Variants in RORA observed in about 807,000 individuals in gnomAD.
RORA encodes the protein nuclear receptor ROR-alpha.
A neutral mutation model predicts 69.5 loss-of-function variants in RORA; 7 were observed. The observed-to-expected ratio is 0.10, with a 90% CI of 0.06 to 0.19. The LOEUF is 0.19. Ranked by LOEUF, RORA falls within the 10% of genes least tolerant of loss-of-function variation. The pLI is 1.00. For missense variants in RORA, 457 were observed against 663.0 expected (o/e 0.69, Z 3.41); for synonymous variants, 261 against 240.8 (o/e 1.08, Z -0.78).
At position 60,815,556 on chromosome 15, in the gene RORA, G is replaced by C. The variant is rs545250896; in HGVS notation, c.167-136870C>G. Among the ~76,000 whole-genome samples the C allele has an allele frequency of 7.0e-4, 107 of 152,142 alleles. 1 individual carries two copies. The East Asian group carries it at 0.014, about 21-fold the overall frequency. On this transcript the variant is annotated intron_variant, in intron 1 of 10. Transcript: ENST00000335670. Reference sequence around the variant, plus strand: ...TCTAAGGGCCCAACTTACAAACGTGGAAAGATAGGCACAGAGAAAAGATAA... The same window carrying C: ...TCTAAGGGCCCAACTTACAAACGTGCAAAGATAGGCACAGAGAAAAGATAA...
chr15:60,610,192 T>C (rs1396437278), intron 2 of RORA, among the ~76,000 whole-genome samples: 1 of 105,202 alleles, frequency 9.5e-6, no homozygotes, highest in African/African-American at 4.2e-5. Context: ...TAAAGTGTCG[T>C]GTAAGTCACA....
chr15:61,057,288 T>C (rs540098596), intron 1 of RORA, among the ~76,000 whole-genome samples: 1 of 152,366 alleles, frequency 6.6e-6, no homozygotes, highest in South Asian at 2.1e-4. Flanking sequence ...AATATTCTAG[T>C]ATAAAAGAGA....
intron 2 of RORA, among the ~76,000 whole-genome samples, chr15:60,583,498 G>C (rs568887754): frequency 6.6e-5 from 10 of 152,318 alleles, no homozygotes; most frequent in African/African-American, 2.2e-4. Flanking sequence ...CACAGTGAAG[G>C]CTAAAATACA....
intron 2 of RORA, among the ~76,000 whole-genome samples, chr15:60,645,308 A>G (rs916713338): frequency 5.3e-5 from 8 of 151,946 alleles, no homozygotes. Context: ...AGAGTGGCAA[A>G]AAGGACAAAG....
intron 1 of RORA, among the ~76,000 whole-genome samples, chr15:60,992,368 G>A (rs1947207770): frequency 6.6e-6 from 1 of 151,238 alleles, no homozygotes; most frequent in South Asian, 2.1e-4. Flanking sequence ...GGAAATCTAG[G>A]TACTTGTATT....
rs539600624 is a variant in RORA at position 60,831,742 on chromosome 15, C to T, written c.167-153056G>A. On this transcript the variant is annotated intron_variant, in intron 1 of 10. Transcript: ENST00000335670. ...AACTCAAAACCATTCCGGTGACCTACTGGAATGCACCTTAGTGTCTGTGTC... is the reference window on the plus strand; with the variant it reads ...AACTCAAAACCATTCCGGTGACCTATTGGAATGCACCTTAGTGTCTGTGTC... Among the ~76,000 whole-genome samples the T allele has an allele frequency of 2.6e-5, 4 of 152,308 alleles. No individual in the cohort carries two copies. The South Asian group carries it at 8.3e-4, about 32-fold the overall frequency.
chr15:61,044,429 C>T (rs4774384), intron 1 of RORA, among the ~76,000 whole-genome samples: 61,730 of 152,102 alleles, frequency 0.41, 14,302 homozygotes, highest in Non-Finnish European at 0.54. Flanking sequence ...CTACCAGCCA[C>T]CTGTGGCCAC....
In RORA at chr15:60,585,587, T is replaced by A. The variant is rs566432327; in HGVS notation, c.197-53736A>T. Among the ~76,000 whole-genome samples the A allele has an allele frequency of 3.9e-4, 59 of 152,322 alleles. No homozygotes were observed. In the South Asian group the frequency reaches 0.011, roughly 29 times the overall value. The stretch of plus-strand genomic sequence containing the variant: ...GAATTTAGCTCATCAAATGACGACC[T>A]CTTTTTAAAAGATATTCAAGGGTTG... On this transcript the variant is annotated intron_variant, in intron 2 of 10. Coordinates refer to ENST00000335670, the MANE Select transcript of RORA (RefSeq NM_134261.3).
At chr15:60,946,161 C>G (rs1052012092) in intron 1 of RORA, among the ~76,000 whole-genome samples, 25 of 152,186 alleles carry the variant, frequency 1.6e-4, no homozygotes, top group African/African-American at 5.5e-4. Flanking sequence ...CAGCGTCCCC[C>G]ACCCTGAGTG....
intron 1 of RORA, among the ~76,000 whole-genome samples, chr15:60,836,748 T>C (rs772961113): frequency 1.3e-5 from 2 of 152,168 alleles, no homozygotes; most frequent in African/African-American, 2.4e-5. Context: ...ATCTCTACCA[T>C]CAGCCCTCTT....
intron 1 of RORA, among the ~76,000 whole-genome samples, chr15:60,818,661 A>C (rs2072849083): frequency 6.6e-6 from 1 of 152,234 alleles, no homozygotes; most frequent in African/African-American, 2.4e-5. Context: ...GAAACTTAGC[A>C]CACAGCTAAA....
intron 2 of RORA, among the ~76,000 whole-genome samples, chr15:60,638,443 T>G (rs2069880528): frequency 6.6e-6 from 1 of 151,356 alleles, no homozygotes; most frequent in African/African-American, 2.4e-5. Context: ...TAATGGCCTG[T>G]TAATTAACAT....
intron 1 of RORA, among the ~76,000 whole-genome samples, chr15:60,827,809 T>C (rs987957826): frequency 6.6e-6 from 1 of 152,236 alleles, no homozygotes; most frequent in African/African-American, 2.4e-5. Flanking sequence ...TCCAATCCTA[T>C]AAAGGATTCT....
chr15:60,798,961 G>A (rs2072540699), intron 1 of RORA, among the ~76,000 whole-genome samples: 1 of 149,358 alleles, frequency 6.7e-6, no homozygotes, highest in African/African-American at 2.5e-5. Flanking sequence ...TAAACTCAAG[G>A]ACAGTGTATT....
intron 2 of RORA, among the ~76,000 whole-genome samples, chr15:60,622,443 C>A (rs1445769020): frequency 1.3e-5 from 2 of 151,982 alleles, no homozygotes; most frequent in Non-Finnish European, 2.9e-5. Context: ...GAAACCCCGT[C>A]TTTACTAAAA....
At chr15:60,746,573 C>T (rs574827240) in intron 1 of RORA, among the ~76,000 whole-genome samples, 107 of 152,230 alleles carry the variant, frequency 7.0e-4, no homozygotes, top group African/African-American at 2.4e-3. Flanking sequence ...TCCTGGTAGC[C>T]GGTCCCAAGA....
intron 1 of RORA, among the ~76,000 whole-genome samples, chr15:60,771,565 T>C (rs2072076241): frequency 6.6e-6 from 1 of 152,226 alleles, no homozygotes; most frequent in South Asian, 2.1e-4. Context: ...CTATTGATTG[T>C]CACCGAGCTG....
At chr15:60,975,208 G>T (rs1322529954) in intron 1 of RORA, among the ~76,000 whole-genome samples, 1 of 152,148 alleles carries the variant, frequency 6.6e-6, no homozygotes, top group African/African-American at 2.4e-5. Context: ...AGCAGGGCTT[G>T]GGGAGCAAGT....
intron 2 of RORA, among the ~76,000 whole-genome samples, chr15:60,539,947 A>G (rs1469119293): frequency 6.6e-6 from 1 of 152,162 alleles, no homozygotes; most frequent in African/African-American, 2.4e-5. Context: ...GGGATCAGTA[A>G]CATTTAACAA....
Sources: gnomAD v4.1 joint callset for allele counts (sites outside exome capture counted in the v4.1 genomes callset) on GRCh38, gnomAD v4.1.1 for gene constraint, MANE v1.5 for transcripts, NCBI Gene and HGNC (gene_info 2026-07-23, HGNC 2026-07-21) for gene names.